The following SYBU variants were observed in gnomAD, a reference collection of about 807,000 sequenced individuals.
The protein encoded by SYBU is syntabulin.
SYBU carries 21 observed loss-of-function variants against 35.9 expected under a neutral mutation model. The ratio of observed to expected loss-of-function variants is 0.58; its 90% CI spans 0.41 to 0.84. SYBU has a LOEUF of 0.84. Ranked by LOEUF, SYBU falls within the 40% of genes least tolerant of loss-of-function variation. The probability of loss-of-function intolerance (pLI) is 0.00; values close to 1 mark genes in which losing one functional copy is unlikely to be tolerated. For synonymous variants in SYBU, 319 were observed against 324.3 expected, an observed-to-expected ratio of 0.98 and a Z score of 0.18; for missense variants, 768 against 848.2, an observed-to-expected ratio of 0.91 and a Z score of 1.17.
rs550124373 is a variant in SYBU at position 109,627,553 on chromosome 8, A to G, written c.230-8514T>C. ...CTGTTGGGAAAATGGAGGCTCAGAGAGGTTAAAAATTTCATGGGCACAGAG... is the reference window on the plus strand; with the variant it reads ...CTGTTGGGAAAATGGAGGCTCAGAGGGGTTAAAAATTTCATGGGCACAGAG... On this transcript the variant is annotated intron_variant, in intron 2 of 6. Transcript: ENST00000276646. Among the ~76,000 whole-genome samples the G allele has an allele frequency of 2.0e-5, 3 of 152,318 alleles. No individual in the cohort carries two copies. In the South Asian group the frequency reaches 6.2e-4, roughly 32 times the overall value.
At chr8:109,651,667 T>C (rs1247849607) in intron 1 of SYBU, among the ~76,000 whole-genome samples, 1 of 152,094 alleles carries the variant, frequency 6.6e-6, no homozygotes, top group Non-Finnish European at 1.5e-5. Context: ...ATAATACAGT[T>C]ATAGGGATTA....
intron 6 of SYBU, 27 bp from the exon 7 acceptor site, chr8:109,576,040 AT>A (rs765942498): frequency 1.5e-5 from 15 of 995,384 alleles, no homozygotes; most frequent in South Asian, 5.3e-5. Context: ...AGCATGGTTA[AT>A]TAAAAAAAAA....
chr8:109,668,047 G>A (rs1816820206), intron 1 of SYBU, among the ~76,000 whole-genome samples: 1 of 151,312 alleles, frequency 6.6e-6, no homozygotes, highest in African/African-American at 2.4e-5. Context: ...TGGCAAAAAA[G>A]TAGAGTCTTG....
intron 3 of SYBU, among the ~76,000 whole-genome samples, chr8:109,613,645 C>G (rs1811436955): frequency 6.6e-6 from 1 of 151,914 alleles, no homozygotes; most frequent in South Asian, 2.1e-4. Context: ...CTAGGTTGTT[C>G]AAGTTATTAC....
At chr8:109,671,132 CATA>C (rs1453371567) in intron 1 of SYBU, among the ~76,000 whole-genome samples, 1 of 152,054 alleles carries the variant, frequency 6.6e-6, no homozygotes, top group African/African-American at 2.4e-5. Flanking sequence ...TCCCTACCCC[CATA>C]ATAATTCTTT....
At chr8:109,665,488 T>C (rs1044238058) in intron 1 of SYBU, among the ~76,000 whole-genome samples, 6 of 152,380 alleles carry the variant, frequency 3.9e-5, no homozygotes, top group Admixed American at 3.9e-4. Context: ...GGGTAAGGCA[T>C]ACTTGCTTTG....
chr8:109,640,439 G>T (rs1220913053), intron 2 of SYBU, among the ~76,000 whole-genome samples: 2 of 152,070 alleles, frequency 1.3e-5, no homozygotes, highest in East Asian at 3.9e-4. Context: ...ATTGATTACA[G>T]GGAGAGAATA....
At chr8:109,632,923 G>A (rs149571251) in intron 2 of SYBU, among the ~76,000 whole-genome samples, 42 of 152,298 alleles carry the variant, frequency 2.8e-4, no homozygotes, top group African/African-American at 8.7e-4. Context: ...TAGCCATGCC[G>A]GTAGTGTTTA....
intron 3 of SYBU, 160 bp from the exon 4 acceptor site, chr8:109,586,322 G>A (rs1823616550): frequency 1.7e-6 from 1 of 598,528 alleles, no homozygotes; most frequent in East Asian, 2.8e-5. Context: ...CCTCAAAGCA[G>A]TCAAGAGAAG....
upstream of SYBU, among the ~76,000 whole-genome samples, chr8:109,683,466 G>T (rs968520422): frequency 2.0e-5 from 3 of 152,156 alleles, no homozygotes; most frequent in South Asian, 2.1e-4. Context: ...ATTTGTAATG[G>T]GTCTATTTGT....
At chr8:109,595,087 C>T (rs930287443) in intron 3 of SYBU, among the ~76,000 whole-genome samples, 4 of 152,084 alleles carry the variant, frequency 2.6e-5, no homozygotes, top group African/African-American at 9.7e-5. Context: ...TAAAATTTCA[C>T]TATTATTTTT....
At chr8:109,590,990 G>C (rs17450520) in intron 3 of SYBU, among the ~76,000 whole-genome samples, 18,783 of 152,196 alleles carry the variant, frequency 0.12, 1,282 homozygotes, top group South Asian at 0.28. Flanking sequence ...GTAAGAGTGT[G>C]AATTATGCTA....
chr8:109,622,181 G>GTATCTATC (rs33965004), intron 2 of SYBU, among the ~76,000 whole-genome samples: 4,889 of 146,434 alleles, frequency 0.033, 105 homozygotes, highest in South Asian at 0.046. Flanking sequence ...AATAATATGA[G>GTATCTATC]TATCTATCTA....
chr8:109,629,770 A>C (rs1476592230), intron 2 of SYBU, among the ~76,000 whole-genome samples: 1 of 152,092 alleles, frequency 6.6e-6, no homozygotes, highest in East Asian at 1.9e-4. Context: ...AACAGTGTAA[A>C]AGTGTTCCTA....
At chr8:109,644,992 C>T (rs909652922), upstream of SYBU, 1 of 491,622 alleles carries the variant, frequency 2.0e-6, no homozygotes, top group Non-Finnish European at 3.8e-6. Flanking sequence ...CACTCCGCGC[C>T]CCCCCAGCCA....
chr8:109,655,784 T>C (rs901690664), intron 1 of SYBU, among the ~76,000 whole-genome samples: 2 of 152,188 alleles, frequency 1.3e-5, no homozygotes, highest in African/African-American at 2.4e-5. Context: ...ATTTTTCTTG[T>C]TATAACAAAC....
At position 109,618,913 on chromosome 8, in the gene SYBU, C is replaced by T; in HGVS notation, c.356G>A (p.Gly119Glu). Residue 119 changes from glycine (G) to glutamate (E), a missense_variant, in exon 3 of 7, where the codon GGA becomes GAA. Transcript: ENST00000276646. ...EGFTRKKCTI[G>E]MVGEGSIQSS... ...CTGAATGCTTCCTTCACCAACCATT[C>T]CAATCGTGCATTTCTTTCTGGTGAA... 2 of 1,614,192 alleles carry T rather than the reference C, an allele frequency of 1.2e-6. No homozygotes were observed. The highest frequency in any genetic ancestry group is 1.7e-6 in the Non-Finnish European group (2 of 1,180,026).
chr8:109,588,704 AC>A (rs1285983549), intron 3 of SYBU, among the ~76,000 whole-genome samples: 1 of 151,584 alleles, frequency 6.6e-6, no homozygotes, highest in Admixed American at 6.6e-5. Flanking sequence ...ACCTAATCAC[AC>A]CCCCCGCCCC....
At chr8:109,597,877 A>G (rs546217757) in intron 3 of SYBU, among the ~76,000 whole-genome samples, 3 of 152,226 alleles carry the variant, frequency 2.0e-5, no homozygotes, top group Non-Finnish European at 4.4e-5. Context: ...ATGTCTGTTG[A>G]GCGAGTCAGG....
Sources: allele counts gnomAD v4.1 joint callset (sites outside exome capture counted in the v4.1 genomes callset), GRCh38; gene constraint gnomAD v4.1.1; transcripts MANE v1.5; gene names NCBI Gene and HGNC (gene_info 2026-07-23, HGNC 2026-07-21).